CCDC102B: variants seen among roughly 807,000 people sequenced by gnomAD.
CCDC102B encodes coiled-coil domain-containing protein 102B.
A neutral mutation model predicts 57.4 loss-of-function variants in CCDC102B; 75 were observed. The observed-to-expected ratio is 1.31, with a 90% CI of 1.08 to 1.58. The LOEUF (loss-of-function observed/expected upper bound fraction) is 1.58. Ranked by LOEUF, CCDC102B falls within the 40% of genes most tolerant of loss-of-function variation. The probability of loss-of-function intolerance (pLI) is 0.00; values close to 1 mark genes in which losing one functional copy is unlikely to be tolerated. For synonymous variants in CCDC102B, 206 were observed against 201.9 expected (o/e 1.02, Z -0.17); for missense variants, 636 against 582.6 (o/e 1.09, Z -0.94).
intron 6 of CCDC102B, among the ~76,000 whole-genome samples, chr18:69,006,874 G>T (rs1599838257): frequency 6.6e-6 from 1 of 152,146 alleles, no homozygotes; most frequent in Non-Finnish European, 1.5e-5. Flanking sequence ...CAAGGTGAAC[G>T]CCAGCTCTGT....
At chr18:68,779,353 G>A (rs2034929351) in intron 2 of CCDC102B, among the ~76,000 whole-genome samples, 1 of 152,092 alleles carries the variant, frequency 6.6e-6, no homozygotes, top group Non-Finnish European at 1.5e-5. Context: ...GTACCATGTT[G>A]CTTAAGGCCA....
At chr18:68,746,860 A>G (rs963364315) in intron 2 of CCDC102B, among the ~76,000 whole-genome samples, 3 of 152,040 alleles carry the variant, frequency 2.0e-5, no homozygotes, top group Non-Finnish European at 4.4e-5. Flanking sequence ...ACCACGATCA[A>G]GGTAATAAAC....
chr18:68,721,869 G>A (rs922307027), intron 2 of CCDC102B, among the ~76,000 whole-genome samples: 7 of 152,160 alleles, frequency 4.6e-5, no homozygotes, highest in East Asian at 1.9e-4. Flanking sequence ...CTGAAGTTGC[G>A]TTTCATCCTC....
intron 6 of CCDC102B, among the ~76,000 whole-genome samples, chr18:68,923,377 A>G (rs1375999230): frequency 6.6e-6 from 1 of 151,946 alleles, no homozygotes; most frequent in Non-Finnish European, 1.5e-5. Context: ...GTAATAAAAT[A>G]CCTATGCAAA....
At chr18:69,029,022 TG>T (rs1422736214) in intron 7 of CCDC102B, among the ~76,000 whole-genome samples, 1 of 152,194 alleles carries the variant, frequency 6.6e-6, no homozygotes, top group African/African-American at 2.4e-5. Context: ...GTTTTATGCG[TG>T]ATGTTTATCT....
intron 6 of CCDC102B, among the ~76,000 whole-genome samples, chr18:68,914,970 G>A (rs1248614540): frequency 4.9e-5 from 2 of 40,980 alleles, no homozygotes; most frequent in African/African-American, 9.3e-5. Flanking sequence ...AGGCACTACT[G>A]GGGGGAGAGA....
At chr18:69,046,307 A>G (rs895482873) in intron 7 of CCDC102B, among the ~76,000 whole-genome samples, 7 of 152,122 alleles carry the variant, frequency 4.6e-5, no homozygotes, top group African/African-American at 1.4e-4. Context: ...CTGGTATAAG[A>G]TGGTATCTCA....
intron 2 of CCDC102B, among the ~76,000 whole-genome samples, chr18:68,723,719 T>C (rs1437901715): frequency 6.6e-6 from 1 of 152,168 alleles, no homozygotes; most frequent in East Asian, 1.9e-4. Context: ...CTTTGCAGGG[T>C]ACATACAGCC....
chr18:68,790,647 T>C (rs2035420736), intron 2 of CCDC102B, among the ~76,000 whole-genome samples: 1 of 152,188 alleles, frequency 6.6e-6, no homozygotes, highest in African/African-American at 2.4e-5. Flanking sequence ...CCCTGACCCC[T>C]TGCGCTTCCC....
intron 6 of CCDC102B, among the ~76,000 whole-genome samples, chr18:68,923,533 T>C (rs1297774135): frequency 1.3e-5 from 2 of 151,980 alleles, no homozygotes; most frequent in Non-Finnish European, 2.9e-5. Flanking sequence ...GAATATGACA[T>C]CATAAAAAGT....
intron 2 of CCDC102B, among the ~76,000 whole-genome samples, chr18:68,724,191 T>C (rs765797825): frequency 2.0e-5 from 3 of 152,188 alleles, no homozygotes; most frequent in Non-Finnish European, 4.4e-5. Flanking sequence ...TGAGGCTACA[T>C]AGAGCTGGCG....
chr18:68,743,204 AAAATAAATAAAT>A (rs149028636), intron 2 of CCDC102B, among the ~76,000 whole-genome samples: 4,998 of 142,570 alleles, frequency 0.035, 110 homozygotes, highest in Non-Finnish European at 0.041. Flanking sequence ...CATCTCAACA[AAAATAAATAAAT>A]AAATAAATAA....
At chr18:69,020,338 C>A (rs946776072) in intron 7 of CCDC102B, among the ~76,000 whole-genome samples, 2 of 152,098 alleles carry the variant, frequency 1.3e-5, no homozygotes, top group Admixed American at 6.6e-5. Flanking sequence ...AATCCATTGT[C>A]ATCTTCATTG....
intron 2 of CCDC102B, among the ~76,000 whole-genome samples, chr18:68,788,863 C>T (rs1473641143): frequency 6.6e-6 from 1 of 152,076 alleles, no homozygotes; most frequent in Non-Finnish European, 1.5e-5. Context: ...TGAATTTGAT[C>T]CTGTCATTAT....
chr18:68,842,572 C>T (rs1167286145), intron 3 of CCDC102B, among the ~76,000 whole-genome samples: 1 of 152,062 alleles, frequency 6.6e-6, no homozygotes, highest in Non-Finnish European at 1.5e-5. Context: ...TTAAGCCAAG[C>T]CAATACCGCA....
chr18:69,013,059 T>A (rs972796644), intron 7 of CCDC102B, among the ~76,000 whole-genome samples: 2 of 152,036 alleles, frequency 1.3e-5, no homozygotes, highest in Admixed American at 6.6e-5. Flanking sequence ...ATCAAAAAGA[T>A]ACCTGCCCCT....
chr18:68,779,557 CATT>C (rs10598462), intron 2 of CCDC102B, among the ~76,000 whole-genome samples: 67,355 of 151,654 alleles, frequency 0.44, 15,918 homozygotes, highest in East Asian at 0.8. Context: ...AACAATACGT[CATT>C]ATATTTATAA....
chr18:69,000,894 T>C (rs2051183640), intron 6 of CCDC102B, among the ~76,000 whole-genome samples: 1 of 152,214 alleles, frequency 6.6e-6, no homozygotes, highest in Non-Finnish European at 1.5e-5. Context: ...TTTTTCATAC[T>C]GTAGGATCTT....
chr18:68,821,290 C>T (rs2036680722), intron 1 of CCDC102B, among the ~76,000 whole-genome samples: 1 of 151,806 alleles, frequency 6.6e-6, no homozygotes, highest in Non-Finnish European at 1.5e-5. Flanking sequence ...TTAGTGCAGT[C>T]ATTTATTCTC....
Sources: allele counts gnomAD v4.1 joint callset (sites outside exome capture counted in the v4.1 genomes callset), GRCh38; gene constraint gnomAD v4.1.1; transcripts MANE v1.5; gene names NCBI Gene and HGNC (gene_info 2026-07-23, HGNC 2026-07-21).